PHEX: variants seen among roughly 807,000 people sequenced by gnomAD.
PHEX encodes the protein phosphate regulating endopeptidase X-linked, also known as phosphate-regulating neutral endopeptidase PHEX.
Under a neutral mutation model 68.0 loss-of-function variants are expected in PHEX, and 16 were observed. The ratio of observed to expected loss-of-function variants is 0.24; its 90% CI spans 0.16 to 0.36. The LOEUF (loss-of-function observed/expected upper bound fraction) is 0.36, where lower values mean the gene tolerates loss of function less well. PHEX is among the 10% of genes least tolerant of loss of function. The pLI, the probability that PHEX is intolerant of heterozygous loss-of-function variation, is 1.00. For missense variants in PHEX, 480 were observed against 575.5 expected, an observed-to-expected ratio of 0.83 and a Z score of 1.70; for synonymous variants, 208 against 205.1, an observed-to-expected ratio of 1.01 and a Z score of -0.12.
chrX:22,154,595 T>A (rs758517229), intron 12 of PHEX, among the ~76,000 whole-genome samples: 13 of 111,204 alleles, frequency 1.2e-4, no homozygotes, highest in Non-Finnish European at 1.9e-4. Flanking sequence ...CACAGAACAG[T>A]CCCCAGAGAT....
chrX:22,173,828 A>G (rs1933616882), intron 13 of PHEX, among the ~76,000 whole-genome samples: 1 of 111,779 alleles, frequency 8.9e-6, no homozygotes, highest in South Asian at 3.8e-4. Context: ...TACACTTCCT[A>G]CTGGCACAGT....
intron 15 of PHEX, 62 bp downstream of exon 15, chrX:22,190,564 A>T: frequency 1.4e-6 from 1 of 730,866 alleles, no homozygotes; most frequent in East Asian, 3.2e-5. Flanking sequence ...CTTTTCCATG[A>T]CTATGATGGA....
intron 3 of PHEX, among the ~76,000 whole-genome samples, chrX:22,072,872 CT>C (rs1246910399): frequency 1.8e-5 from 2 of 111,939 alleles, no homozygotes; most frequent in Non-Finnish European, 3.8e-5. Flanking sequence ...TATTTGTGTA[CT>C]TTTCTGTACT....
intron 12 of PHEX, among the ~76,000 whole-genome samples, chrX:22,134,569 G>A (rs1028705499): frequency 1.1e-4 from 12 of 112,502 alleles, no homozygotes. Context: ...CTCCAGCCTG[G>A]GTGACAGAGC....
chrX:22,177,291 T>C (rs1051490845), intron 13 of PHEX, among the ~76,000 whole-genome samples: 1 of 112,025 alleles, frequency 8.9e-6, no homozygotes, highest in African/African-American at 3.2e-5. Flanking sequence ...TTTAAAAGAC[T>C]ATTAAAGTTA....
chrX:22,121,739 T>C (rs758487160), intron 11 of PHEX, among the ~76,000 whole-genome samples: 10 of 112,601 alleles, frequency 8.9e-5, no homozygotes, highest in Non-Finnish European at 1.5e-4. Flanking sequence ...TCCTGCACTC[T>C]AGCAGCTATT....
intron 3 of PHEX, among the ~76,000 whole-genome samples, chrX:22,051,607 A>G (rs1377842444): frequency 8.9e-6 from 1 of 112,259 alleles, no homozygotes; most frequent in Admixed American, 9.5e-5. Context: ...TCAAACTTTG[A>G]TAAGTTGAAC....
chrX:22,039,895 C>G (rs1357013336), intron 2 of PHEX, among the ~76,000 whole-genome samples: 3 of 109,782 alleles, frequency 2.7e-5, no homozygotes, highest in Admixed American at 9.8e-5. Context: ...GAGATTGCAC[C>G]ATTGCACTCC....
chrX:22,079,922 G>T (rs1226159913), intron 5 of PHEX, among the ~76,000 whole-genome samples: 2 of 111,008 alleles, frequency 1.8e-5, no homozygotes, highest in Non-Finnish European at 1.9e-5. Flanking sequence ...ATCATCAATG[G>T]CTGCTAAAAC....
At chrX:22,178,213 T>C in intron 13 of PHEX, 60 bp from the exon 14 acceptor site, 1 of 789,208 alleles carries the variant, frequency 1.3e-6, no homozygotes, top group South Asian at 2.1e-5. Context: ...CTGAAGTATT[T>C]TTTTAGAGCC....
intron 14 of PHEX, among the ~76,000 whole-genome samples, chrX:22,190,209 C>A (rs911129370): frequency 5.4e-5 from 6 of 111,958 alleles, no homozygotes; most frequent in Non-Finnish European, 7.5e-5. Context: ...AAGTTAGTAA[C>A]AATAAATAAC....
intron 7 of PHEX, among the ~76,000 whole-genome samples, chrX:22,096,170 G>T (rs757953530): frequency 2.8e-4 from 31 of 112,118 alleles, no homozygotes; most frequent in African/African-American, 9.4e-4. Flanking sequence ...AAGGCCCGAA[G>T]GCAAAGTCAT....
rs772650475 is a variant in PHEX at position 22,084,513 on chromosome X, A to T, written c.664-5916A>T. ...GGGGTAATGCTGGACTCATAGAATG[A>T]GTTTGGAAGTATTCCCTTCTCTTCA... On this transcript the variant is annotated intron_variant, in intron 5 of 21. Transcript: ENST00000379374. 1.2e-3 allele frequency among the ~76,000 whole-genome samples: 119 copies of T among 101,571 alleles called. 1 individual carries two copies. The highest frequency in any genetic ancestry group is 3.6e-3 in the African/African-American group (101 of 27,788). The allele number at this position is 101,571 out of a possible 115,157, so 88.2% of individuals were successfully genotyped here. A position where few individuals can be genotyped will look rare whatever the true frequency, so the allele number is the denominator to read the frequency against.
At chrX:22,187,124 C>T (rs1303696431) in intron 14 of PHEX, among the ~76,000 whole-genome samples, 1 of 111,899 alleles carries the variant, frequency 8.9e-6, no homozygotes, top group East Asian at 2.8e-4. Flanking sequence ...TATTATCTCA[C>T]AGTTCTCTAG....
rs369200414 is a variant in PHEX, at chrX:22,040,026, C to T, written c.187+1489C>T. 3.7e-4 allele frequency among the ~76,000 whole-genome samples: 41 copies of T among 111,631 alleles called. No homozygotes were observed. In the Middle Eastern group the frequency reaches 0.019, roughly 50 times the overall value. On this transcript the variant is annotated intron_variant, in intron 2 of 21. Coordinates refer to ENST00000379374, the MANE Select transcript of PHEX (RefSeq NM_000444.6). ...TTTTTGGTTAGGACACCGAAAGCGG[C>T]GGTGGGGAGGTGAGGGGAAACCTGG...
At chrX:22,045,362 A>C (rs1374083618) in intron 2 of PHEX, among the ~76,000 whole-genome samples, 2 of 111,724 alleles carry the variant, frequency 1.8e-5, no homozygotes, top group African/African-American at 6.5e-5. Flanking sequence ...AATTGCCCAG[A>C]ATGTCATCTT....
chrX:22,041,953 T>A (rs1487921519), intron 2 of PHEX, among the ~76,000 whole-genome samples: 5 of 111,159 alleles, frequency 4.5e-5, no homozygotes. Flanking sequence ...GGCTTTCTAA[T>A]GTTGAAAAAA....
chrX:22,178,319 G>A lies in PHEX; in HGVS notation c.1529G>A (p.Arg510His), dbSNP rs915608304. The stretch of plus-strand genomic sequence containing the variant: ...TACTTTGGCAACGTCCTACAAACTC[G>A]CAAGTATTTAGCACAGTCTGATTTC... ...ADYFGNVLQT[R>H]KYLAQSDFFW... Residue 510 changes from arginine to histidine, a missense_variant, in exon 14 of 22, where the codon CGC becomes CAC. By Grantham distance (29) the Arg-to-His change is conservative (BLOSUM62 0). Transcript: ENST00000379374. The A allele has an allele frequency of 9.1e-6, 11 of 1,204,176 alleles. No homozygotes were observed. Among genetic ancestry groups the A allele is most frequent in the African/African-American group, 1.7e-5 (1 of 57,645 alleles).
At chrX:22,246,207 G>T (rs1936387374) in intron 21 of PHEX, among the ~76,000 whole-genome samples, 1 of 111,515 alleles carries the variant, frequency 9.0e-6, no homozygotes, top group Non-Finnish European at 1.9e-5. Context: ...CCTGTACTCG[G>T]TCGTACAGGT....
Sources: allele counts gnomAD v4.1 joint callset (sites outside exome capture counted in the v4.1 genomes callset), GRCh38; gene constraint gnomAD v4.1.1; transcripts MANE v1.5; gene names NCBI Gene and HGNC (gene_info 2026-07-23, HGNC 2026-07-21).